The following CENPE variants were observed in gnomAD, a reference collection of about 807,000 sequenced individuals.
CENPE encodes the protein centromere-associated protein E.
A neutral mutation model predicts 336.1 loss-of-function variants in CENPE; 145 were observed. That is an observed-to-expected ratio of 0.43 (90% CI 0.38 to 0.50). The LOEUF (loss-of-function observed/expected upper bound fraction) is 0.50. Ranked by LOEUF, CENPE falls within the 20% of genes least tolerant of loss-of-function variation. CENPE has a pLI of 0.00. For synonymous variants in CENPE, 1,013 were observed against 984.8 expected, an observed-to-expected ratio of 1.03 and a Z score of -0.54; for missense variants, 2,719 against 3,023.3, an observed-to-expected ratio of 0.90 and a Z score of 2.36.
chr4:103,139,745 A>G, intron 38 of CENPE, 44 bp downstream of exon 38: 2 of 1,488,358 alleles, frequency 1.3e-6, no homozygotes, highest in Non-Finnish European at 1.8e-6. Context: ...AAAAAGCTTA[A>G]TTCTTATTAA....
intron 13 of CENPE, among the ~76,000 whole-genome samples, 191 bp from the exon 14 acceptor site, chr4:103,177,237 C>T (rs747328641): frequency 7.2e-5 from 11 of 151,816 alleles, no homozygotes; most frequent in Non-Finnish European, 1.2e-4. Context: ...TTCACTCTAA[C>T]TACCATTTTC....
intron 8 of CENPE, among the ~76,000 whole-genome samples, chr4:103,186,508 A>G (rs767537546): frequency 3.3e-4 from 50 of 152,222 alleles, no homozygotes; most frequent in Non-Finnish European, 6.9e-4. Context: ...CTGTAGCAAT[A>G]CCATGACTTT....
At chr4:103,188,241 C>G (rs565522107) in intron 8 of CENPE, among the ~76,000 whole-genome samples, 1 of 152,162 alleles carries the variant, frequency 6.6e-6, no homozygotes, top group Non-Finnish European at 1.5e-5. Flanking sequence ...ATCAACGAGA[C>G]AGAAAGTTAA....
chr4:103,143,124 C>T (rs1752710427), intron 34 of CENPE, 124 bp downstream of exon 34: 1 of 480,880 alleles, frequency 2.1e-6, no homozygotes, highest in Admixed American at 4.2e-5. Context: ...ATGATAGTTT[C>T]TAAATTGAGT....
intron 42 of CENPE, among the ~76,000 whole-genome samples, chr4:103,123,578 G>T (rs1750837321): frequency 6.6e-6 from 1 of 152,144 alleles, no homozygotes; most frequent in African/African-American, 2.4e-5. Flanking sequence ...TGGTTAGAAT[G>T]AATCTTTTAT....
intron 9 of CENPE, among the ~76,000 whole-genome samples, chr4:103,183,556 T>C (rs1756499795): frequency 6.6e-6 from 1 of 152,146 alleles, no homozygotes; most frequent in South Asian, 2.1e-4. Context: ...AAAAAAAACC[T>C]GTTTCCTGAA....
intron 42 of CENPE, among the ~76,000 whole-genome samples, chr4:103,123,326 T>A (rs1750803444): frequency 6.6e-6 from 1 of 152,212 alleles, no homozygotes; most frequent in Admixed American, 6.5e-5. Context: ...ATCATCCTCT[T>A]GTCCAGCATA....
At position 103,180,419 on chromosome 4, in the gene CENPE, T is replaced by G. The variant is rs1756230806; in HGVS notation, c.1134A>C (p.Gln378His). ...AQAMEKDQLAQLLEEKDLLQK... is the reference protein window; with the variant it reads ...AQAMEKDQLAHLLEEKDLLQK... ...GAAGCAAATCTTTTTCTTCCAAAAG[T>G]TGGGCCAATTGGTCTTTTTCCATTG... The change falls in exon 13 of 49, where the codon CAA (glutamine) becomes CAC (histidine). Residue 378 changes from glutamine to histidine, a missense_variant. Coordinates refer to ENST00000265148, the MANE Select transcript of CENPE (RefSeq NM_001813.3). 3 of 1,612,920 alleles carry G rather than the reference T, an allele frequency of 1.9e-6. No individual in the cohort carries two copies. The African/African-American group carries it at 4.0e-5, about 22-fold the overall frequency.
intron 16 of CENPE, 61 bp from the exon 17 acceptor site, chr4:103,163,614 AAAAAAAAAAAAG>A (rs1188311149): frequency 1.3e-6 from 1 of 771,118 alleles, no homozygotes; most frequent in Non-Finnish European, 1.9e-6. Context: ...AAAGCAAAAA[AAAAAAAAAAAAG>A]AAAAAGAAAA....
At chr4:103,180,106 AC>A (rs963227821) in intron 13 of CENPE, among the ~76,000 whole-genome samples, 4 of 152,154 alleles carry the variant, frequency 2.6e-5, no homozygotes, top group African/African-American at 7.2e-5. Context: ...TACATTCCAA[AC>A]TTGTTGAATT....
At chr4:103,185,013 A>C (rs1756641551) in intron 9 of CENPE, among the ~76,000 whole-genome samples, 1 of 152,070 alleles carries the variant, frequency 6.6e-6, no homozygotes, top group Non-Finnish European at 1.5e-5. Flanking sequence ...CTGATTTACA[A>C]GTTTTCTTAG....
At chr4:103,112,111 C>T (rs1749491705) in intron 46 of CENPE, among the ~76,000 whole-genome samples, 1 of 151,184 alleles carries the variant, frequency 6.6e-6, no homozygotes, top group South Asian at 2.1e-4. Flanking sequence ...GTGCATATAC[C>T]ATGTCCATAT....
intron 15 of CENPE, among the ~76,000 whole-genome samples, 153 bp from the exon 16 acceptor site, chr4:103,175,056 T>C (rs1282020131): frequency 6.6e-6 from 1 of 152,018 alleles, no homozygotes; most frequent in African/African-American, 2.4e-5. Flanking sequence ...TTAGAATAGA[T>C]TATTTTGAAA....
At position 103,114,149 on chromosome 4, in the gene CENPE, A is replaced by G. The variant is rs180715616; in HGVS notation, c.7540+306T>C. On this transcript the variant is annotated intron_variant, in intron 46 of 48. Transcript: ENST00000265148. ...TCGTTTTATTGGGAAGCATAATTCC[A>G]TGTTGATATAGTATAAGTCATTCCT... 3.9e-4 allele frequency among the ~76,000 whole-genome samples: 60 copies of G among 152,278 alleles called. No homozygotes were observed. The East Asian group carries it at 6.9e-3, about 18-fold the overall frequency.
rs756239282 is a variant in CENPE, at chr4:103,140,873, CCTCTA to C, written c.5690_5694del (p.Val1897GlyfsTer20). Reference sequence around the variant, plus strand: ...TGGTCTCTCTCCAGTTTGAGTGTCTCCTCTACTCTTCTTAGATTATCTCTTTCTTT... The same window carrying C: ...TGGTCTCTCTCCAGTTTGAGTGTCTCCTCTTCTTAGATTATCTCTTTCTTT... On this transcript the variant is annotated frameshift_variant, in exon 36 of 49. Transcript: ENST00000265148. LOFTEE classifies it high-confidence loss of function. The C allele has an allele frequency of 6.2e-7, 1 of 1,611,834 alleles. No individual in the cohort carries two copies. Among genetic ancestry groups the C allele is most frequent in the Non-Finnish European group, 8.5e-7 (1 of 1,179,202 alleles).
chr4:103,115,673 C>T (rs1327524035), intron 45 of CENPE, among the ~76,000 whole-genome samples: 1 of 151,546 alleles, frequency 6.6e-6, no homozygotes, highest in Admixed American at 6.6e-5. Flanking sequence ...ATTATGAATG[C>T]GAGGACCAGA....
At chr4:103,177,608 G>A (rs112739628) in intron 13 of CENPE, among the ~76,000 whole-genome samples, 1 of 152,012 alleles carries the variant, frequency 6.6e-6, no homozygotes, top group African/African-American at 2.4e-5. Flanking sequence ...TGAGTTGGGT[G>A]CCCAACAAGT....
chr4:103,136,184 T>C lies in CENPE; in HGVS notation c.6479A>G (p.Gln2160Arg). Residue 2160 changes from glutamine to arginine, a missense_variant, in exon 40 of 49, where the codon CAG becomes CGG. Transcript: ENST00000265148. ...KHIEKLFTAN[Q>R]RCSMEFHRIM... ...TCTGTGGAATTCCATGGAGCATCTCTGGTTTGCAGTAAAAAGTTTTTCAAT... is the reference window on the plus strand; with the variant it reads ...TCTGTGGAATTCCATGGAGCATCTCCGGTTTGCAGTAAAAAGTTTTTCAAT... 6.2e-7 allele frequency: 1 copy of C among 1,613,912 alleles called. No homozygotes were observed. Among genetic ancestry groups the C allele is most frequent in the Non-Finnish European group, 8.5e-7 (1 of 1,179,856 alleles).
chr4:103,184,180 T>C (rs1009830237), intron 9 of CENPE, among the ~76,000 whole-genome samples: 4 of 152,230 alleles, frequency 2.6e-5, no homozygotes, highest in Non-Finnish European at 5.9e-5. Flanking sequence ...ATTTATTTTT[T>C]GTTCACAGGT....
Sources: allele counts gnomAD v4.1 joint callset (sites outside exome capture counted in the v4.1 genomes callset), GRCh38; gene constraint gnomAD v4.1.1; transcripts MANE v1.5; gene names NCBI Gene and HGNC (gene_info 2026-07-23, HGNC 2026-07-21).